The following SPTY2D1 variants were observed in gnomAD, a reference collection of about 807,000 sequenced individuals.
SPTY2D1 encodes SPT2 chromatin protein domain containing 1.
A neutral mutation model predicts 64.0 loss-of-function variants in SPTY2D1; 21 were observed. The observed-to-expected ratio is 0.33, with a 90% confidence interval of 0.23 to 0.47. The LOEUF is 0.47. SPTY2D1 is among the 20% of genes least tolerant of loss of function. The pLI is 1.00. For missense variants in SPTY2D1, 724 were observed against 837.2 expected (o/e 0.86, Z 1.67); for synonymous variants, 287 against 286.8 (o/e 1.00, Z -0.01).
At chr11:18,618,812 TA>T (rs1052196695) in intron 1 of SPTY2D1, among the ~76,000 whole-genome samples, 1 of 152,236 alleles carries the variant, frequency 6.6e-6, no homozygotes, top group African/African-American at 2.4e-5. Context: ...AAGTTTCAAC[TA>T]AATTAGTCTG....
At chr11:18,627,387 T>C (rs747198649) in intron 1 of SPTY2D1, among the ~76,000 whole-genome samples, 3 of 150,872 alleles carry the variant, frequency 2.0e-5, no homozygotes, top group Admixed American at 6.6e-5. Flanking sequence ...GCCAAGATCA[T>C]GCCATTGCAC....
At position 18,612,231 on chromosome 11, in the gene SPTY2D1, A is replaced by G. The variant is rs1336119833; in HGVS notation, c.1886+83T>C. ...ATTAAGAATTGTATTCAGTGCCTCC[A>G]CTATTAGTTTATTACCCCATGACAT... is the stretch of plus-strand genomic sequence containing the variant. On this transcript the variant is annotated intron_variant, in intron 4 of 5. Transcript: ENST00000336349. This position sits in a 1 kb window ranked among gnomAD's most constrained non-coding sequence, Gnocchi z 4.6. The G allele has an allele frequency of 1.8e-6, 2 of 1,117,722 alleles. No individual in the cohort carries two copies. The highest frequency in any genetic ancestry group is 2.5e-6 in the Non-Finnish European group (2 of 802,374). The allele number at this position is 1,117,722 out of a possible 1,614,324, so 69.2% of individuals were successfully genotyped here. A position where few individuals can be genotyped will look rare whatever the true frequency, so the allele number is the denominator to read the frequency against.
chr11:18,626,960 G>T (rs1241575161), intron 1 of SPTY2D1, among the ~76,000 whole-genome samples: 1 of 152,214 alleles, frequency 6.6e-6, no homozygotes, highest in African/African-American at 2.4e-5. Flanking sequence ...ATCTGTGAAA[G>T]AAAATGGAGA....
Position 18,615,452 on chromosome 11 carries a change from G to A in SPTY2D1, c.822C>T (p.His274=), listed in dbSNP as rs545807554. The A allele has an allele frequency of 3.1e-6, 5 of 1,614,194 alleles. No individual in the cohort carries two copies. In the Admixed American group the frequency reaches 8.3e-5, roughly 27 times the overall value. Reference sequence around the variant, plus strand: ...TGGATTTGGATGAAGACAAAGCGAGGTGTTTCTCATTGGCCATGCTGGGTC... The same window carrying A: ...TGGATTTGGATGAAGACAAAGCGAGATGTTTCTCATTGGCCATGCTGGGTC... ...KSRPSMANEK[H]LALSSSKSMP... Residue 274 remains histidine, a synonymous_variant, in exon 3 of 6, where the codon CAC becomes CAT. Transcript: ENST00000336349.
intron 5 of SPTY2D1, 83 bp downstream of exon 5, chr11:18,611,394 G>C (rs1290363762): frequency 2.3e-6 from 3 of 1,290,918 alleles, no homozygotes; most frequent in African/African-American, 2.9e-5. Context: ...CAAAGCCCCA[G>C]TTCCCAATGG....
intron 5 of SPTY2D1, chr11:18,610,230 T>C (rs1040995467): frequency 6.3e-6 from 2 of 318,496 alleles, no homozygotes; most frequent in Non-Finnish European, 1.1e-5. Flanking sequence ...CTTTTAAAAA[T>C]AAACAGCAAG....
rs753559462 is a variant in SPTY2D1, at chr11:18,615,906, T to C, written c.368A>G (p.Tyr123Cys). ...GAATTCATTCTCTTCTTCCATTTCA[T>C]ACTCTCGGTCGGTTCCTTGGCTGGT... ...SHTSQGTDRE[Y>C]EMEEENEFLE... The change falls in exon 3 of 6, where the codon TAT becomes TGT. Residue 123 changes from tyrosine to cysteine, a missense_variant. This residue lies in a region of SPTY2D1 where 179 missense variants were observed against 232.5 expected (regional missense o/e 0.77). Coordinates refer to ENST00000336349, the MANE Select transcript of SPTY2D1 (RefSeq NM_194285.3). 20 of 1,614,084 alleles carry C rather than the reference T, an allele frequency of 1.2e-5. No homozygotes were observed. The highest frequency in any genetic ancestry group is 4.4e-5 in the South Asian group (4 of 91,090).
At chr11:18,614,240 T>C (rs989237083) in intron 3 of SPTY2D1, among the ~76,000 whole-genome samples, 19 of 152,192 alleles carry the variant, frequency 1.2e-4, no homozygotes, top group Middle Eastern at 3.4e-3. Context: ...ATAGGCAACA[T>C]ACTGAAACCC....
At position 18,606,871 on chromosome 11, in the gene SPTY2D1, T is replaced by C. The variant is rs17579600; in HGVS notation, c.*2990A>G. The C allele has an allele frequency of 0.044, 15,950 of 363,530 alleles. 417 individuals are homozygous for C. The highest frequency in any genetic ancestry group is 0.1 in the Middle Eastern group (184 of 1,780). 22.5% of individuals were successfully genotyped at this position (363,530 alleles called of 1,614,324 possible). ...TGAAAATTTGAGTTCCCACATTCTT[T>C]TTTTTTTGACATGGAGTCTCGCTCT... On this transcript the variant is annotated 3_prime_UTR_variant, in exon 6 of 6. Transcript: ENST00000336349.
chr11:18,618,211 G>A (rs918616979), intron 1 of SPTY2D1, among the ~76,000 whole-genome samples: 3 of 152,064 alleles, frequency 2.0e-5, no homozygotes, highest in Non-Finnish European at 4.4e-5. Flanking sequence ...CAGCAAAAAA[G>A]CATTTCAAAA....
intron 2 of SPTY2D1, 114 bp downstream of exon 2, chr11:18,616,756 CACACA>C: frequency 1.2e-6 from 1 of 841,008 alleles, no homozygotes; most frequent in Non-Finnish European, 1.9e-6. Context: ...CACACACACA[CACACA>C]CCCTCCCAAA....
In SPTY2D1 at chr11:18,607,021, C is replaced by T. The variant is rs7951729; in HGVS notation, c.*2840G>A. On this transcript the variant is annotated 3_prime_UTR_variant, in exon 6 of 6. Coordinates refer to ENST00000336349, the MANE Select transcript of SPTY2D1 (RefSeq NM_194285.3). ...GATTACAGGTGTGTGCCACCGCACC[C>T]GGCTAATTTTTTTATTTTTAGTAGA... The T allele has an allele frequency of 0.057, 14,276 of 249,512 alleles. 1,423 individuals are homozygous for T. Among genetic ancestry groups the T allele is most frequent in the African/African-American group, 0.25 (10,684 of 41,934 alleles). The allele number at this position is 249,512 out of a possible 1,614,324, so 15.5% of individuals were successfully genotyped here. A position where few individuals can be genotyped will look rare whatever the true frequency, so the allele number is the denominator to read the frequency against.
At chr11:18,622,954 A>AAACAACAACAAC (rs71050619) in intron 1 of SPTY2D1, among the ~76,000 whole-genome samples, 2,853 of 149,316 alleles carry the variant, frequency 0.019, 32 homozygotes, top group South Asian at 0.044. Flanking sequence ...CTCTGTCTCA[A>AAACAACAACAAC]AACAACAACA....
chr11:18,610,233 A>G (rs1854178567), intron 5 of SPTY2D1: 1 of 315,758 alleles, frequency 3.2e-6, no homozygotes, highest in East Asian at 5.7e-5. Flanking sequence ...TTAAAAATAA[A>G]CAGCAAGAAG....
chr11:18,634,165 G>A, intron 1 of SPTY2D1, 33 bp downstream of exon 1: 4 of 1,612,802 alleles, frequency 2.5e-6, no homozygotes, highest in South Asian at 1.1e-5. Context: ...GAAGACTAGG[G>A]TCCCCTACAT....
At chr11:18,625,099 A>C (rs567971573) in intron 1 of SPTY2D1, among the ~76,000 whole-genome samples, 2 of 152,260 alleles carry the variant, frequency 1.3e-5, no homozygotes, top group African/African-American at 4.8e-5. Flanking sequence ...ATGGCTTTAC[A>C]TAAGAGATTT....
rs375711230 is a variant in SPTY2D1 at position 18,627,843 on chromosome 11, C to T, written c.60+6355G>A. 2.8e-4 allele frequency among the ~76,000 whole-genome samples: 42 copies of T among 151,142 alleles called. No homozygotes were observed. In the East Asian group the frequency reaches 7.2e-3, roughly 26 times the overall value. On this transcript the variant is annotated intron_variant, in intron 1 of 5. Coordinates refer to ENST00000336349, the MANE Select transcript of SPTY2D1 (RefSeq NM_194285.3). ...GCAGTGAGCCGAGATCATGCCACTG[C>T]ATCCCAGCCTGGGCAACAGAGCAAG...
chr11:18,634,120 C>T (rs2134121175), intron 1 of SPTY2D1, 78 bp downstream of exon 1: 1 of 1,543,758 alleles, frequency 6.5e-7, no homozygotes, highest in Non-Finnish European at 8.9e-7. Flanking sequence ...GGCGGCTGCC[C>T]AGAAGTTCCA....
In SPTY2D1 at chr11:18,634,196, A is replaced by G. The variant is rs1854632444; in HGVS notation, c.60+2T>C. 6.2e-7 allele frequency: 1 copy of G among 1,614,018 alleles called. No homozygotes were observed. Among genetic ancestry groups the G allele is most frequent in the Non-Finnish European group, 8.5e-7 (1 of 1,180,010 alleles). On this transcript the variant is annotated splice_donor_variant, in intron 1 of 5. Transcript: ENST00000336349. LOFTEE classifies it high-confidence loss of function. ...TACATTGATGCCCCAGCTGCTACTT[A>G]CCGGCACATTGTTGACACCTTGTCC...
Sources: gnomAD v4.1 joint callset for allele counts (sites outside exome capture counted in the v4.1 genomes callset) on GRCh38, gnomAD v4.1.1 for gene constraint, gnomAD v4.1.1 regional missense constraint, Gnocchi (gnomAD v3.1) non-coding constraint, MANE v1.5 for transcripts, NCBI Gene and HGNC (gene_info 2026-07-23, HGNC 2026-07-21) for gene names.